Variants in MYDGF observed in about 807,000 individuals in gnomAD.
MYDGF encodes the protein myeloid derived growth factor.
A neutral mutation model predicts 24.2 loss-of-function variants in MYDGF; 29 were observed. That is an observed-to-expected ratio of 1.20 (90% CI 0.89 to 1.63). The LOEUF (loss-of-function observed/expected upper bound fraction) is 1.63, where lower values mean the gene tolerates loss of function less well. MYDGF is among the 40% of genes most tolerant of loss of function. The probability of loss-of-function intolerance (pLI) is 0.00; values close to 1 mark genes in which losing one functional copy is unlikely to be tolerated. For synonymous variants in MYDGF, 105 were observed against 102.5 expected, an observed-to-expected ratio of 1.02 and a Z score of -0.15; for missense variants, 245 against 234.8, an observed-to-expected ratio of 1.04 and a Z score of -0.29.
chr19:4,659,956 C>T lies in MYDGF; in HGVS notation c.417G>A (p.Glu139=). Residue 139 remains glutamate, a synonymous_variant, in exon 5 of 6, where the codon GAG becomes GAA. Transcript: ENST00000262947. ...CTGCTGTTTTGGTCACTTCAAATTC[C>T]TCAGTTTTCAGAGGGACATCACTTT... is the stretch of plus-strand genomic sequence containing the variant. The part of the protein sequence containing the change: ...ERESDVPLKT[E]EFEVTKTAVA... 6.2e-7 allele frequency: 1 copy of T among 1,614,096 alleles called. No homozygotes were observed. Among genetic ancestry groups the T allele is most frequent in the Non-Finnish European group, 8.5e-7 (1 of 1,180,022 alleles).
chr19:4,659,061 G>T (rs1159540342), intron 5 of MYDGF, among the ~76,000 whole-genome samples: 1 of 150,106 alleles, frequency 6.7e-6, no homozygotes, highest in African/African-American at 2.5e-5. Flanking sequence ...TTACAGGTGT[G>T]AGCCACCATG....
intron 3 of MYDGF, 51 bp downstream of exon 3, chr19:4,664,825 A>T: frequency 6.3e-7 from 1 of 1,597,404 alleles, no homozygotes. Flanking sequence ...TCCTGAGGCC[A>T]CAGGGCAGGC....
At chr19:4,667,121 C>CTTTTTTTTTTTTTTT (rs57093750) in intron 2 of MYDGF, among the ~76,000 whole-genome samples, 1 of 102,170 alleles carries the variant, frequency 9.8e-6, no homozygotes, top group Non-Finnish European at 1.8e-5. Context: ...TCAAATCACC[C>CTTTTTTTTTTTTTTT]TTTTTTTTTT....
Position 4,657,874 on chromosome 19 carries a change from G to T in MYDGF, c.*131C>A. The T allele has an allele frequency of 1.2e-6, 1 of 841,040 alleles. No individual in the cohort carries two copies. Among genetic ancestry groups the T allele is most frequent in the Non-Finnish European group, 1.8e-6 (1 of 555,668 alleles). The allele number at this position is 841,040 out of a possible 1,614,324, so 52.1% of individuals were successfully genotyped here. A position where few individuals can be genotyped will look rare whatever the true frequency, so the allele number is the denominator to read the frequency against. ...CACCCTGCAAGCCCCTCCGGACAAGGCAACGTCAGCCCAGGTAGAAAACTT... is the reference window on the plus strand; with the variant it reads ...CACCCTGCAAGCCCCTCCGGACAAGTCAACGTCAGCCCAGGTAGAAAACTT... On this transcript the variant is annotated 3_prime_UTR_variant, in exon 6 of 6. Transcript: ENST00000262947.
At chr19:4,668,688 T>C in intron 1 of MYDGF, 43 bp from the exon 2 acceptor site, 2 of 1,556,484 alleles carry the variant, frequency 1.3e-6, no homozygotes, top group African/African-American at 2.7e-5. Context: ...GAAGGAAATT[T>C]TTATTTTGTT....
chr19:4,666,797 G>A (rs2088524892), intron 2 of MYDGF, among the ~76,000 whole-genome samples: 1 of 152,076 alleles, frequency 6.6e-6, no homozygotes, highest in African/African-American at 2.4e-5. Flanking sequence ...GGGCACCGGT[G>A]GCTCACACCT....
chr19:4,667,118 AC>A (rs1314072487), intron 2 of MYDGF, among the ~76,000 whole-genome samples: 9 of 106,090 alleles, frequency 8.5e-5, no homozygotes, highest in South Asian at 2.9e-4. Flanking sequence ...GCTTCAAATC[AC>A]CCTTTTTTTT....
intron 3 of MYDGF, among the ~76,000 whole-genome samples, chr19:4,663,208 T>TCATTCTACA (rs2088485101): frequency 2.1e-5 from 1 of 48,396 alleles, no homozygotes. Flanking sequence ...CCACCCGTCC[T>TCATTCTACA]GTCCTCATTC....
chr19:4,660,040 T>G (rs1168872374), intron 4 of MYDGF, 37 bp from the exon 5 acceptor site: 2 of 1,554,372 alleles, frequency 1.3e-6, no homozygotes, highest in Non-Finnish European at 1.8e-6. Flanking sequence ...CCAGGGCCAG[T>G]TCAATGCTCA....
chr19:4,669,017 G>A (rs140131488), intron 1 of MYDGF, among the ~76,000 whole-genome samples: 3 of 152,064 alleles, frequency 2.0e-5, no homozygotes, highest in African/African-American at 4.8e-5. Context: ...CTAATTTTTC[G>A]TATTTTTGTA....
chr19:4,660,011 A>G lies in MYDGF; in HGVS notation c.370-8T>C, dbSNP rs777335353. 4 of 1,613,360 alleles carry G rather than the reference A, an allele frequency of 2.5e-6. No individual in the cohort carries two copies. The highest frequency in any genetic ancestry group is 3.4e-6 in the Non-Finnish European group (4 of 1,179,480). On this transcript the variant is annotated splice_polypyrimidine_tract_variant and splice_region_variant and intron_variant, in intron 4 of 5. Coordinates refer to ENST00000262947, the MANE Select transcript of MYDGF (RefSeq NM_019107.4). ...TTCAAATGCGGCTTTAGACTGAAAAAGAATGAGTGGAAACTTTACCAGGGC... is the reference window on the plus strand; with the variant it reads ...TTCAAATGCGGCTTTAGACTGAAAAGGAATGAGTGGAAACTTTACCAGGGC...
At chr19:4,668,792 T>C in intron 1 of MYDGF, 147 bp from the exon 2 acceptor site, 1 of 618,542 alleles carries the variant, frequency 1.6e-6, no homozygotes. Flanking sequence ...AGTAATCCTC[T>C]TGCCTCAGCC....
intron 1 of MYDGF, 175 bp from the exon 2 acceptor site, chr19:4,668,820 A>G (rs2088540435): frequency 3.6e-6 from 2 of 553,450 alleles, no homozygotes; most frequent in Admixed American, 6.2e-5. Flanking sequence ...TAACTGAGAC[A>G]ATAGGTACGC....
At chr19:4,660,928 C>G (rs2088465727) in intron 3 of MYDGF, among the ~76,000 whole-genome samples, 178 bp from the exon 4 acceptor site, 1 of 151,956 alleles carries the variant, frequency 6.6e-6, no homozygotes, top group African/African-American at 2.4e-5. Context: ...TGGATGGGGC[C>G]CTCTCAACAG....
At chr19:4,660,926 GC>G (rs2088465712) in intron 3 of MYDGF, among the ~76,000 whole-genome samples, 176 bp from the exon 4 acceptor site, 1 of 151,798 alleles carries the variant, frequency 6.6e-6, no homozygotes, top group Non-Finnish European at 1.5e-5. Context: ...GATGGATGGG[GC>G]CCTCTCAACA....
chr19:4,662,473 G>A (rs2088478930), intron 3 of MYDGF, among the ~76,000 whole-genome samples: 1 of 152,166 alleles, frequency 6.6e-6, no homozygotes, highest in South Asian at 2.1e-4. Context: ...TGCCCAGATC[G>A]AGCTGGGATC....
intron 5 of MYDGF, among the ~76,000 whole-genome samples, chr19:4,659,448 T>G (rs2088451709): frequency 6.6e-6 from 1 of 151,744 alleles, no homozygotes; most frequent in Non-Finnish European, 1.5e-5. Context: ...GGTCTGGAAC[T>G]CCTGACCTCA....
chr19:4,669,263 C>A (rs1269496274), intron 1 of MYDGF, among the ~76,000 whole-genome samples: 1 of 152,202 alleles, frequency 6.6e-6, no homozygotes, highest in African/African-American at 2.4e-5. Flanking sequence ...CACCTGCGGT[C>A]AGGAGTTCAA....
rs769425351 is a variant in MYDGF, at chr19:4,670,264, A to G, written c.71T>C (p.Val24Ala). 2 of 1,557,464 alleles carry G rather than the reference A, an allele frequency of 1.3e-6. No individual in the cohort carries two copies. Among genetic ancestry groups the G allele is most frequent in the Admixed American group, 1.9e-5 (1 of 52,842 alleles). ...CACCGCCTCCGCCGGCCTCAGCGCC[A>G]CGGCCCCTAGGAGCAGCGCGGCCCA... ...SLWAALLLGA[V>A]ALRPAEAVSE... Residue 24 changes from valine to alanine, a missense_variant, in exon 1 of 6, where the codon GTG (valine) becomes GCG (alanine). Coordinates refer to ENST00000262947, the MANE Select transcript of MYDGF (RefSeq NM_019107.4).
Sources: gnomAD v4.1 joint callset for allele counts (sites outside exome capture counted in the v4.1 genomes callset) on GRCh38, gnomAD v4.1.1 for gene constraint, MANE v1.5 for transcripts, NCBI Gene and HGNC (gene_info 2026-07-23, HGNC 2026-07-21) for gene names.